Variants in PFKFB3 observed in about 807,000 individuals in gnomAD.
The protein encoded by PFKFB3 is 6-phosphofructo-2-kinase/fructose-2,6-biphosphatase 3, also known as 6-phosphofructo-2-kinase/fructose-2,6-bisphosphatase 3.
A neutral mutation model predicts 68.0 loss-of-function variants in PFKFB3; 33 were observed. That is an observed-to-expected ratio of 0.49 (90% CI 0.37 to 0.65). The LOEUF is 0.65. Ranked by LOEUF, PFKFB3 falls within the 30% of genes least tolerant of loss-of-function variation. PFKFB3 has a pLI of 0.00. For synonymous variants in PFKFB3, 315 were observed against 288.2 expected (o/e 1.09, Z -0.94); for missense variants, 586 against 712.2 (o/e 0.82, Z 2.02).
At chr10:6,291,460 G>C in the PFKFB3 span, among the ~76,000 whole-genome samples, 1 of 151,682 alleles carries the variant, frequency 6.6e-6, no homozygotes, top group Admixed American at 6.6e-5. Context: ...GCTGAGGCAG[G>C]AGAATTGCTC....
intron 1 of PFKFB3, among the ~76,000 whole-genome samples, chr10:6,170,538 T>C (rs973360815): frequency 6.6e-6 from 1 of 152,216 alleles, no homozygotes; most frequent in Non-Finnish European, 1.5e-5. Flanking sequence ...ACCTCCTTCC[T>C]ACAAAAAATT....
Position 6,222,850 on chromosome 10 carries a change from C to G in PFKFB3, c.1084-5C>G, listed in dbSNP as rs903226463. The G allele has an allele frequency of 6.2e-7, 1 of 1,612,106 alleles. No individual in the cohort carries two copies. The highest frequency in any genetic ancestry group is 1.3e-5 in the African/African-American group (1 of 75,012). On this transcript the variant is annotated splice_region_variant and splice_polypyrimidine_tract_variant and intron_variant, in intron 10 of 14. Transcript: ENST00000379775. ...GCTCACGTGGGCCCGGCCCTCTGTG[C>G]TCAGTCCTACCAGGACCTGGTCCAG... is the stretch of plus-strand genomic sequence containing the variant.
chr10:6,217,093 C>A, intron 5 of PFKFB3, 42 bp from the exon 6 acceptor site: 1 of 1,593,012 alleles, frequency 6.3e-7, no homozygotes, highest in Non-Finnish European at 8.6e-7. Flanking sequence ...GTTGATCCTT[C>A]GTGGTGTTTG....
chr10:6,222,815 A>C (rs747736467), intron 10 of PFKFB3, 40 bp from the exon 11 acceptor site: 1 of 1,580,074 alleles, frequency 6.3e-7, no homozygotes, highest in Admixed American at 1.7e-5. Flanking sequence ...GCCCCTCCCG[A>C]GTGCCCTGAG....
rs189099007 is a variant in PFKFB3 at position 6,220,498 on chromosome 10, C to T, written c.624-160C>T. Among the ~76,000 whole-genome samples, 61 of 152,312 alleles carry T rather than the reference C, an allele frequency of 4.0e-4. No individual in the cohort carries two copies. The East Asian group carries it at 8.9e-3, about 22-fold the overall frequency. On this transcript the variant is annotated intron_variant, in intron 7 of 14. Coordinates refer to ENST00000379775, the MANE Select transcript of PFKFB3 (RefSeq NM_004566.4). This position sits in a 1 kb window ranked among gnomAD's most constrained non-coding sequence, Gnocchi z 4.1. ...GACACCAGCTGTGGGAGTTGTCTTA[C>T]GCATATGCTCTGCCCCTTAGAAGGA...
chr10:6,301,549 G>T, the PFKFB3 span, among the ~76,000 whole-genome samples: 58 of 152,312 alleles, frequency 3.8e-4, no homozygotes, highest in Non-Finnish European at 3.8e-4. Context: ...TGCTAATCTG[G>T]ATTTTCAGGT....
intron 14 of PFKFB3, among the ~76,000 whole-genome samples, chr10:6,227,788 G>T (rs1352209627): frequency 6.6e-6 from 1 of 152,210 alleles, no homozygotes; most frequent in Non-Finnish European, 1.5e-5. Context: ...GCAGGACTGG[G>T]AGAGCTCTCA....
chr10:6,248,313 C>T (rs1846300212), intron 14 of PFKFB3, among the ~76,000 whole-genome samples: 1 of 152,080 alleles, frequency 6.6e-6, no homozygotes, highest in Admixed American at 6.5e-5. Context: ...ATTTCTCAAA[C>T]CACTCTACGG....
the PFKFB3 span, chr10:6,293,671 C>T: frequency 7.3e-6 from 2 of 273,736 alleles, no homozygotes; most frequent in Admixed American, 3.7e-5. Context: ...AATGATAAAA[C>T]CAACATGTCC....
intron 3 of PFKFB3, 88 bp from the exon 4 acceptor site, chr10:6,216,037 C>G (rs570851132): frequency 1.7e-6 from 2 of 1,156,612 alleles, no homozygotes; most frequent in East Asian, 2.3e-5. Context: ...ACCAGTTACT[C>G]TGCTTGTCGG....
chr10:6,145,044 C>A, intron 1 of PFKFB3: 1 of 1,317,302 alleles, frequency 7.6e-7, no homozygotes, highest in Non-Finnish European at 9.7e-7. Context: ...GCCCACGCCC[C>A]CAGCGCGCGC....
intron 13 of PFKFB3, chr10:6,225,014 C>T (rs116883839): frequency 1.4e-5 from 6 of 417,030 alleles, no homozygotes; most frequent in African/African-American, 2.0e-5. Context: ...CTTCAGGAGA[C>T]CTCGAGGCCT....
intron 1 of PFKFB3, among the ~76,000 whole-genome samples, chr10:6,188,464 A>AT (rs59302014): frequency 2.3e-4 from 35 of 150,704 alleles, no homozygotes; most frequent in African/African-American, 6.4e-4. Flanking sequence ...TTTTTTAAAC[A>AT]TTTTTTTTCA....
chr10:6,178,277 C>T (rs950988614), intron 1 of PFKFB3, among the ~76,000 whole-genome samples: 1 of 152,190 alleles, frequency 6.6e-6, no homozygotes, highest in Non-Finnish European at 1.5e-5. Context: ...TCCACTCACC[C>T]ACCTGACCAC....
the PFKFB3 span, among the ~76,000 whole-genome samples, chr10:6,300,974 G>A: frequency 6.6e-6 from 1 of 152,212 alleles, no homozygotes; most frequent in Non-Finnish European, 1.5e-5. Flanking sequence ...ATCCAGCAAG[G>A]TGGGAGGACA....
chr10:6,179,992 G>C (rs1588430854), intron 1 of PFKFB3, among the ~76,000 whole-genome samples: 1 of 152,076 alleles, frequency 6.6e-6, no homozygotes, highest in East Asian at 1.9e-4. Context: ...TGCTAGTCGG[G>C]TCCTGAGTCG....
intron 13 of PFKFB3, 61 bp downstream of exon 13, chr10:6,224,274 G>A (rs1845172075): frequency 6.4e-7 from 1 of 1,562,458 alleles, no homozygotes; most frequent in South Asian, 1.1e-5. Flanking sequence ...AGTGGGTGAT[G>A]GGCGCTCAGG....
At chr10:6,225,125 G>A (rs1326061132) in intron 13 of PFKFB3, 6 of 456,152 alleles carry the variant, frequency 1.3e-5, no homozygotes, top group East Asian at 6.9e-5. Context: ...AGGTGGACGC[G>A]TGTTGTGAAA....
chr10:6,278,551 A>G, the PFKFB3 span, among the ~76,000 whole-genome samples: 2 of 152,214 alleles, frequency 1.3e-5, no homozygotes, highest in Admixed American at 1.3e-4. Context: ...CTGAGATTAC[A>G]GGCGTGAGCC....
Sources: allele counts gnomAD v4.1 joint callset (sites outside exome capture counted in the v4.1 genomes callset), GRCh38; gene constraint gnomAD v4.1.1; non-coding constraint Gnocchi (gnomAD v3.1); transcripts MANE v1.5; gene names NCBI Gene and HGNC (gene_info 2026-07-23, HGNC 2026-07-21).